ZSWIM6: variants seen among roughly 807,000 people sequenced by gnomAD.
The protein encoded by ZSWIM6 is zinc finger SWIM domain-containing protein 6.
A neutral mutation model predicts 113.2 loss-of-function variants in ZSWIM6; 9 were observed. The ratio of observed to expected loss-of-function variants is 0.08; its 90% CI spans 0.05 to 0.14. The LOEUF (loss-of-function observed/expected upper bound fraction) is 0.14. Among genes scored for constraint, ZSWIM6 ranks in the 10% least tolerant of loss-of-function variants. The pLI is 1.00. For synonymous variants in ZSWIM6, 611 were observed against 606.5 expected, an observed-to-expected ratio of 1.01 and a Z score of -0.11; for missense variants, 1,162 against 1,552.2, an observed-to-expected ratio of 0.75 and a Z score of 4.22.
chr5:61,347,343 G>A (rs1744678874), intron 1 of ZSWIM6: 1 of 177,494 alleles, frequency 5.6e-6, no homozygotes, highest in South Asian at 1.5e-4. Flanking sequence ...GTTGATCATG[G>A]AGATGATGCA....
chr5:61,457,368 C>A (rs1747224199), intron 1 of ZSWIM6, among the ~76,000 whole-genome samples: 1 of 152,086 alleles, frequency 6.6e-6, no homozygotes, highest in African/African-American at 2.4e-5. Context: ...CCATATATTT[C>A]AGTTCTCAGG....
intron 1 of ZSWIM6, among the ~76,000 whole-genome samples, chr5:61,446,973 A>T (rs1182371280): frequency 6.6e-6 from 1 of 152,176 alleles, no homozygotes; most frequent in African/African-American, 2.4e-5. Context: ...ACTGATAGGT[A>T]ATCCTGTGAA....
chr5:61,425,112 G>A (rs1442607364), intron 1 of ZSWIM6, among the ~76,000 whole-genome samples: 1 of 152,078 alleles, frequency 6.6e-6, no homozygotes, highest in Non-Finnish European at 1.5e-5. Flanking sequence ...GAATATCTGG[G>A]AATAATAACT....
At chr5:61,515,545 A>T (rs1580055505) in intron 4 of ZSWIM6, among the ~76,000 whole-genome samples, 1 of 152,042 alleles carries the variant, frequency 6.6e-6, no homozygotes, top group East Asian at 1.9e-4. Flanking sequence ...GCGATAACTG[A>T]CCCACTCCCA....
At chr5:61,495,910 G>A (rs1371687893) in intron 4 of ZSWIM6, among the ~76,000 whole-genome samples, 7 of 151,930 alleles carry the variant, frequency 4.6e-5, no homozygotes, top group African/African-American at 9.7e-5. Flanking sequence ...AAAGAGCTTT[G>A]GTACTTAGAG....
At chr5:61,490,007 T>A (rs1748134924) in intron 2 of ZSWIM6, among the ~76,000 whole-genome samples, 1 of 152,018 alleles carries the variant, frequency 6.6e-6, no homozygotes, top group Non-Finnish European at 1.5e-5. Context: ...GGATGAACAG[T>A]TTTTAGATCT....
intron 1 of ZSWIM6, among the ~76,000 whole-genome samples, chr5:61,348,948 A>G (rs952360061): frequency 2.6e-5 from 4 of 152,140 alleles, no homozygotes; most frequent in African/African-American, 9.7e-5. Flanking sequence ...TTGAGAACAC[A>G]GCTGTGGAAC....
intron 5 of ZSWIM6, 47 bp downstream of exon 5, chr5:61,521,489 G>A: frequency 7.5e-7 from 1 of 1,340,378 alleles, no homozygotes; most frequent in South Asian, 2.0e-5. Flanking sequence ...ACTTAATTAT[G>A]CATATGTGCT....
intron 1 of ZSWIM6, chr5:61,375,738 G>A (rs1745361100): frequency 1.3e-6 from 2 of 1,535,404 alleles, no homozygotes; most frequent in Non-Finnish European, 1.8e-6. Context: ...CAAAAAAGAA[G>A]AAAAGCAGTG....
At chr5:61,524,367 T>G (rs762672221) in intron 5 of ZSWIM6, among the ~76,000 whole-genome samples, 8 of 152,204 alleles carry the variant, frequency 5.3e-5, no homozygotes, top group Non-Finnish European at 1.2e-4. Flanking sequence ...TCTCAAATGA[T>G]CTATCACACA....
At chr5:61,416,669 G>A (rs1212991070) in intron 1 of ZSWIM6, among the ~76,000 whole-genome samples, 5 of 152,196 alleles carry the variant, frequency 3.3e-5, no homozygotes, top group South Asian at 2.1e-4. Flanking sequence ...TTGGCCTCAC[G>A]CAGTGCACTA....
intron 1 of ZSWIM6, among the ~76,000 whole-genome samples, chr5:61,411,641 G>T (rs1300273363): frequency 6.6e-6 from 1 of 152,174 alleles, no homozygotes; most frequent in Non-Finnish European, 1.5e-5. Flanking sequence ...CCCAGTTCTG[G>T]AGGCTAAGAA....
chr5:61,377,711 G>A lies in ZSWIM6; in HGVS notation c.676+44763G>A, dbSNP rs543999656. 4.2e-5 allele frequency among the ~76,000 whole-genome samples: 6 copies of A among 142,104 alleles called. No individual in the cohort carries two copies. The South Asian group carries it at 7.0e-4, about 17-fold the overall frequency. The allele number at this position is 142,104 out of a possible 152,430, so 93.2% of individuals were successfully genotyped here. ...CAGCCTGGCGACAGAGCGAGACTTC[G>A]TCTCAAAAAAAAAAAAACCCCACAA... is the stretch of plus-strand genomic sequence containing the variant. On this transcript the variant is annotated intron_variant, in intron 1 of 13. Coordinates refer to ENST00000252744, the MANE Select transcript of ZSWIM6 (RefSeq NM_020928.2).
intron 2 of ZSWIM6, among the ~76,000 whole-genome samples, chr5:61,475,580 G>A (rs942098200): frequency 2.6e-5 from 4 of 152,024 alleles, no homozygotes; most frequent in Non-Finnish European, 4.4e-5. Flanking sequence ...AGTTTATCCC[G>A]CCAGCTTTCT....
At chr5:61,380,516 A>G (rs180985668) in intron 1 of ZSWIM6, among the ~76,000 whole-genome samples, 2 of 152,180 alleles carry the variant, frequency 1.3e-5, no homozygotes, top group East Asian at 1.9e-4. Context: ...TAGGACTTCA[A>G]AATCTGAGTG....
At chr5:61,341,684 A>G (rs969003889) in intron 1 of ZSWIM6, among the ~76,000 whole-genome samples, 1 of 152,190 alleles carries the variant, frequency 6.6e-6, no homozygotes, top group African/African-American at 2.4e-5. Context: ...TAGTGTATAT[A>G]TGAAAACTTC....
At chr5:61,448,394 C>T (rs1001648173) in intron 1 of ZSWIM6, among the ~76,000 whole-genome samples, 4 of 152,190 alleles carry the variant, frequency 2.6e-5, no homozygotes, top group Non-Finnish European at 4.4e-5. Flanking sequence ...TTCAGAATAT[C>T]ACGTTCTATA....
intron 1 of ZSWIM6, among the ~76,000 whole-genome samples, chr5:61,415,247 A>G (rs907420242): frequency 1.3e-5 from 2 of 152,218 alleles, no homozygotes; most frequent in Admixed American, 1.3e-4. Context: ...GAGATATTTC[A>G]TATATCAAGA....
At chr5:61,471,788 T>A (rs1039651381) in intron 1 of ZSWIM6, among the ~76,000 whole-genome samples, 2 of 152,186 alleles carry the variant, frequency 1.3e-5, no homozygotes, top group Admixed American at 6.5e-5. Context: ...TGGAAAATTA[T>A]CTAATTGTCT....
Sources: gnomAD v4.1 joint callset for allele counts (sites outside exome capture counted in the v4.1 genomes callset) on GRCh38, gnomAD v4.1.1 for gene constraint, MANE v1.5 for transcripts, NCBI Gene and HGNC (gene_info 2026-07-23, HGNC 2026-07-21) for gene names.